CACNA1A: variants seen among roughly 807,000 people sequenced by gnomAD.
The protein encoded by CACNA1A is calcium voltage-gated channel subunit alpha1 A.
Under a neutral mutation model 262.4 loss-of-function variants are expected in CACNA1A, and 57 were observed. The ratio of observed to expected loss-of-function variants is 0.22; its 90% confidence interval spans 0.18 to 0.27. CACNA1A has a LOEUF of 0.27. CACNA1A is among the 10% of genes least tolerant of loss of function. CACNA1A has a pLI of 1.00. For missense variants in CACNA1A, 2,526 were observed against 3,562.8 expected, an observed-to-expected ratio of 0.71 and a Z score of 7.41; for synonymous variants, 1,431 against 1,419.3, an observed-to-expected ratio of 1.01 and a Z score of -0.18.
At chr19:13,434,768 G>C (rs2060581060) in intron 3 of CACNA1A, among the ~76,000 whole-genome samples, 3 of 151,868 alleles carry the variant, frequency 2.0e-5, no homozygotes, top group African/African-American at 4.8e-5. Flanking sequence ...AATTACCCCA[G>C]TCTCAGGGTT....
At position 13,235,158 on chromosome 19, in the gene CACNA1A, G is replaced by T. The variant is rs912363039; in HGVS notation, c.5133+51C>A. 63 of 1,590,768 alleles carry T rather than the reference G, an allele frequency of 4.0e-5. No homozygotes were observed. In the African/African-American group the frequency reaches 7.9e-4, roughly 20 times the overall value. ...TCCTCTGACCCACCCCTTTCTAAGG[G>T]TGGCTGCCCTCCTTGGGAGGCTCTG... On this transcript the variant is annotated intron_variant, in intron 33 of 46. Coordinates refer to ENST00000360228, the MANE Select transcript of CACNA1A (RefSeq NM_001127222.2).
Position 13,308,628 on chromosome 19 carries a change from T to C in CACNA1A, c.1669-100A>G. ...CAACCTTGCAAGAACTCAACCAAAC[T>C]CCTCCCTCCAAATGGAAGCCGGGTG... On this transcript the variant is annotated intron_variant, in intron 12 of 46. Coordinates refer to ENST00000360228, the MANE Select transcript of CACNA1A (RefSeq NM_001127222.2). This position sits in a 1 kb window ranked among gnomAD's most constrained non-coding sequence, Gnocchi z 4.2. 2 of 660,454 alleles carry C rather than the reference T, an allele frequency of 3.0e-6. No homozygotes were observed. The highest frequency in any genetic ancestry group is 2.6e-6 in the Non-Finnish European group (1 of 384,822). 40.9% of individuals were successfully genotyped at this position (660,454 alleles called of 1,614,324 possible).
chr19:13,336,601 GA>G (rs2058576562), intron 6 of CACNA1A, among the ~76,000 whole-genome samples: 1 of 106,880 alleles, frequency 9.4e-6, no homozygotes, highest in African/African-American at 3.7e-5. Context: ...GAGGGAGAGA[GA>G]GAGAGAGAGA....
chr19:13,471,442 A>C lies in CACNA1A; in HGVS notation c.294-16230T>G, dbSNP rs370737792. Among the ~76,000 whole-genome samples the C allele has an allele frequency of 2.4e-4, 37 of 152,252 alleles. No individual in the cohort carries two copies. In the East Asian group the frequency reaches 4.6e-3, roughly 19 times the overall value. On this transcript the variant is annotated intron_variant, in intron 1 of 46. Transcript: ENST00000360228. ...ACCCTAAGAGACCTTCCCAGTTCCT[A>C]CATCTTCCTCCCCCTACAGCTGATG...
chr19:13,353,915 C>A lies in CACNA1A; in HGVS notation c.978+5691G>T, dbSNP rs566308787. Among the ~76,000 whole-genome samples the A allele has an allele frequency of 1.9e-4, 29 of 152,296 alleles. No homozygotes were observed. In the East Asian group the frequency reaches 5.2e-3, roughly 27 times the overall value. On this transcript the variant is annotated intron_variant, in intron 6 of 46. Coordinates refer to ENST00000360228, the MANE Select transcript of CACNA1A (RefSeq NM_001127222.2). Reference sequence around the variant, plus strand: ...ATCACTTGTTCTCTTGTGTAGCTTTCGTTCCTATTGGGCTTCCCATAGTAC... The same window carrying A: ...ATCACTTGTTCTCTTGTGTAGCTTTAGTTCCTATTGGGCTTCCCATAGTAC...
intron 3 of CACNA1A, among the ~76,000 whole-genome samples, chr19:13,417,959 T>G (rs1201186506): frequency 6.6e-6 from 1 of 150,526 alleles, no homozygotes; most frequent in Non-Finnish European, 1.5e-5. Flanking sequence ...GCCAGCCCTG[T>G]CCCCTGTCAA....
rs1207630372 is a variant in CACNA1A, at chr19:13,252,982, G to A, written c.4866+9C>T. 1 of 1,564,460 alleles carries A rather than the reference G, an allele frequency of 6.4e-7. No homozygotes were observed. The highest frequency in any genetic ancestry group is 1.1e-5 in the South Asian group (1 of 90,072). On this transcript the variant is annotated intron_variant, in intron 30 of 46. Coordinates refer to ENST00000360228, the MANE Select transcript of CACNA1A (RefSeq NM_001127222.2). ...AAGCCCATAGCTGTAGCCCCAAGGT[G>A]GTACTTACCAGAATCCCAAAAGCCA...
intron 3 of CACNA1A, among the ~76,000 whole-genome samples, chr19:13,390,434 C>T (rs573341028): frequency 6.6e-6 from 1 of 152,188 alleles, no homozygotes; most frequent in South Asian, 2.1e-4. Flanking sequence ...TTGATCAACA[C>T]TGTCTGACAG....
At chr19:13,248,179 A>G (rs1442538916) in intron 30 of CACNA1A, among the ~76,000 whole-genome samples, 2 of 151,990 alleles carry the variant, frequency 1.3e-5, no homozygotes, top group African/African-American at 4.8e-5. Context: ...AGTCCAAACA[A>G]AGACAACTTT....
At position 13,308,008 on chromosome 19, in the gene CACNA1A, C is replaced by T. The variant is rs149233161; in HGVS notation, c.1913+112G>A. The T allele has an allele frequency of 1.7e-3, 2,571 of 1,472,292 alleles. 40 individuals carry two copies. In the African/African-American group the frequency reaches 0.029, roughly 17 times the overall value. 91.2% of individuals were successfully genotyped at this position (1,472,292 alleles called of 1,614,324 possible). A position where few individuals can be genotyped will look rare whatever the true frequency, so the allele number is the denominator to read the frequency against. On this transcript the variant is annotated intron_variant, in intron 14 of 46. Coordinates refer to ENST00000360228, the MANE Select transcript of CACNA1A (RefSeq NM_001127222.2). The surrounding 1 kb of genome is among the most constrained non-coding windows in gnomAD (Gnocchi z 4.2). ...CCAGGGCCCTGCCCATTTGGGTGAC[C>T]GCAATGGGTGTCTGGGCTACGAGGA... is the stretch of plus-strand genomic sequence containing the variant.
chr19:13,402,125 T>A (rs1411445558), intron 3 of CACNA1A, among the ~76,000 whole-genome samples: 1 of 152,204 alleles, frequency 6.6e-6, no homozygotes, highest in East Asian at 1.9e-4. Context: ...AATATTATCA[T>A]CTCTTCAACA....
chr19:13,328,706 C>A (rs761753740), intron 10 of CACNA1A, among the ~76,000 whole-genome samples: 3 of 152,080 alleles, frequency 2.0e-5, no homozygotes, highest in Non-Finnish European at 4.4e-5. Flanking sequence ...AACTCAAACA[C>A]CCTATAATAG....
chr19:13,388,024 G>A (rs2059644579), intron 3 of CACNA1A, among the ~76,000 whole-genome samples: 1 of 152,014 alleles, frequency 6.6e-6, no homozygotes. Context: ...AAGCAGGGGA[G>A]GGGATGGGGA....
intron 6 of CACNA1A, among the ~76,000 whole-genome samples, chr19:13,350,356 T>C (rs543840869): frequency 6.6e-6 from 1 of 152,292 alleles, no homozygotes; most frequent in Admixed American, 6.5e-5. Context: ...CCACAGTGAC[T>C]GCGGAAGGCA....
chr19:13,414,994 CAGAAG>C (rs1006830925), intron 3 of CACNA1A, among the ~76,000 whole-genome samples: 19 of 151,942 alleles, frequency 1.3e-4, no homozygotes, highest in African/African-American at 4.4e-4. Context: ...ACAACAACAA[CAGAAG>C]AGAAGTTCTG....
Position 13,209,344 on chromosome 19 carries a change from C to T in CACNA1A, c.6494G>A (p.Arg2165His), listed in dbSNP as rs727503832. 1.5e-4 allele frequency: 211 copies of T among 1,386,104 alleles called. 1 individual carries two copies. The highest frequency in any genetic ancestry group is 2.0e-4 in the Admixed American group (6 of 29,632). 85.9% of individuals were successfully genotyped at this position (1,386,104 alleles called of 1,614,324 possible). Residue 2165 changes from arginine to histidine, a missense_variant, in exon 45 of 47, where the codon CGC becomes CAC. By Grantham distance (29) the Arg-to-His change is conservative (BLOSUM62 0). Around this residue, in one of 17 missense-constraint regions of CACNA1A, gnomAD observed 929 missense variants for 868.1 expected, o/e 1.07. Transcript: ENST00000360228. ...RRDRSHRASE[R>H]SLGRYTDVDT... ...CACATCGGTGTAGCGGCCCAGGGAG[C>T]GCTCAGAGGCGCGGTGGCTGCGGTC...
intron 22 of CACNA1A, among the ~76,000 whole-genome samples, chr19:13,279,090 C>T (rs1348316294): frequency 6.6e-6 from 1 of 151,962 alleles, no homozygotes; most frequent in African/African-American, 2.4e-5. Flanking sequence ...ATAGTAGTTG[C>T]TTATCAAATA....
intron 3 of CACNA1A, among the ~76,000 whole-genome samples, chr19:13,406,464 A>AT (rs1187793869): frequency 3.4e-5 from 2 of 59,258 alleles, no homozygotes; most frequent in East Asian, 5.7e-4. Context: ...CAAAAAAAAA[A>AT]TTATATATAT....
intron 3 of CACNA1A, among the ~76,000 whole-genome samples, chr19:13,375,426 G>T (rs1441927941): frequency 6.6e-6 from 1 of 152,096 alleles, no homozygotes; most frequent in Admixed American, 6.6e-5. Context: ...GTGAAAAGAA[G>T]AGTTGCACGT....
Sources: allele counts gnomAD v4.1 joint callset (sites outside exome capture counted in the v4.1 genomes callset), GRCh38; gene constraint gnomAD v4.1.1; regional missense constraint gnomAD v4.1.1; non-coding constraint Gnocchi (gnomAD v3.1); transcripts MANE v1.5; gene names NCBI Gene and HGNC (gene_info 2026-07-23, HGNC 2026-07-21).